Variants in ATAD2B observed in about 807,000 individuals in gnomAD.
ATAD2B encodes the protein ATPase family AAA domain-containing protein 2B.
ATAD2B carries 40 observed loss-of-function variants against 167.6 expected under a neutral mutation model. The observed-to-expected ratio is 0.24, with a 90% confidence interval of 0.19 to 0.31. The LOEUF is 0.31. Among genes scored for constraint, ATAD2B ranks in the 10% least tolerant of loss-of-function variants. ATAD2B has a pLI of 1.00. For synonymous variants in ATAD2B, 579 were observed against 596.5 expected (o/e 0.97, Z 0.43); for missense variants, 1,242 against 1,757.2 (o/e 0.71, Z 5.24).
intron 18 of ATAD2B, 66 bp downstream of exon 18, chr2:23,810,250 C>T (rs187251933): frequency 7.1e-7 from 1 of 1,411,440 alleles, no homozygotes; most frequent in East Asian, 2.3e-5. Context: ...ACACTACACA[C>T]TAGAAATACT....
chr2:23,878,026 A>AAAAAAAAAAAAAAAAAAAGC (rs1553440562), intron 7 of ATAD2B, among the ~76,000 whole-genome samples: 7 of 129,326 alleles, frequency 5.4e-5, no homozygotes, highest in Non-Finnish European at 1.2e-4. Flanking sequence ...AAAAAAAAAA[A>AAAAAAAAAAAAAAAAAAAGC]AAAAAAAAAA....
intron 1 of ATAD2B, 135 bp downstream of exon 1, chr2:23,926,420 C>A: frequency 7.1e-7 from 1 of 1,413,686 alleles, no homozygotes; most frequent in Non-Finnish European, 9.2e-7. Context: ...CACCCTCCAC[C>A]GCGCCCGCAG....
At chr2:23,802,331 A>G (rs1441818106) in intron 18 of ATAD2B, among the ~76,000 whole-genome samples, 1 of 151,856 alleles carries the variant, frequency 6.6e-6, no homozygotes, top group African/African-American at 2.4e-5. Context: ...TTATCCCTTT[A>G]CTCTATTTAT....
chr2:23,770,478 C>T (rs1678165263), intron 22 of ATAD2B, among the ~76,000 whole-genome samples: 1 of 152,140 alleles, frequency 6.6e-6, no homozygotes, highest in Admixed American at 6.5e-5. Context: ...ACTTAATATT[C>T]TGGCTATAGG....
At chr2:23,693,464 C>T in the ATAD2B span, 1 of 1,551,594 alleles carries the variant, frequency 6.4e-7, no homozygotes, top group African/African-American at 1.4e-5. Context: ...AACACCAAGG[C>T]TGAGGAGCTG....
At chr2:23,785,880 C>T (rs948967607) in intron 21 of ATAD2B, 147 bp downstream of exon 21, 5 of 643,238 alleles carry the variant, frequency 7.8e-6, no homozygotes, top group African/African-American at 3.7e-5. Flanking sequence ...CTGATGACAT[C>T]GGTAGTTATC....
the ATAD2B span, among the ~76,000 whole-genome samples, chr2:23,701,539 C>G: frequency 3.3e-5 from 5 of 152,130 alleles, no homozygotes; most frequent in Admixed American, 2.0e-4. Flanking sequence ...ATAGGGAGAC[C>G]TCATCTCTAC....
the ATAD2B span, among the ~76,000 whole-genome samples, chr2:23,698,667 A>AAAT: frequency 6.6e-6 from 1 of 152,198 alleles, no homozygotes; most frequent in Non-Finnish European, 1.5e-5. Flanking sequence ...ATCATTATAT[A>AAAT]AATAACCGGG....
intron 22 of ATAD2B, among the ~76,000 whole-genome samples, chr2:23,782,260 A>T (rs573235146): frequency 6.6e-6 from 1 of 152,268 alleles, no homozygotes; most frequent in Non-Finnish European, 1.5e-5. Context: ...AAAATCACTT[A>T]ACGCAAGTCC....
chr2:23,691,744 G>A, the ATAD2B span: 14 of 1,551,796 alleles, frequency 9.0e-6, no homozygotes, highest in South Asian at 8.3e-5. Context: ...GCAGGCAGAC[G>A]TCCTGGAGTT....
chr2:23,758,181 C>A, intron 24 of ATAD2B, 80 bp from the exon 25 acceptor site: 1 of 1,177,982 alleles, frequency 8.5e-7, no homozygotes, highest in Non-Finnish European at 1.2e-6. Context: ...AAACAGGACC[C>A]AAAAGAAAGT....
chr2:23,786,197 G>T lies in ATAD2B; in HGVS notation c.2803C>A (p.Leu935Ile). Residue 935 changes from leucine (L) to isoleucine (I), a missense_variant, in exon 21 of 28, where the codon CTT (leucine) becomes ATT (isoleucine). Transcript: ENST00000238789. The stretch of plus-strand genomic sequence containing the variant: ...TGACGAGGTGGAGAAGGTAGTGCAA[G>T]AGGAAGCACTTCCATAGCACAAAGA... ...AALCAMEVLP[L>I]ALPSPPRQLS... is the part of the protein sequence containing the mutation. 1 of 1,586,058 alleles carries T rather than the reference G, an allele frequency of 6.3e-7. No homozygotes were observed. The highest frequency in any genetic ancestry group is 2.3e-5 in the East Asian group (1 of 43,812).
Position 23,826,598 on chromosome 2 carries a change from A to G in ATAD2B, c.1819+2251T>C, listed in dbSNP as rs574295377. Among the ~76,000 whole-genome samples the G allele has an allele frequency of 1.3e-4, 20 of 152,306 alleles. No individual in the cohort carries two copies. In the South Asian group the frequency reaches 4.1e-3, roughly 32 times the overall value. Reference sequence around the variant, plus strand: ...TAAAAAGACTGAAAATACAGCTACTAAAGAGGTTAGACTAGAAACAAGGTC... The same window carrying G: ...TAAAAAGACTGAAAATACAGCTACTGAAGAGGTTAGACTAGAAACAAGGTC... On this transcript the variant is annotated intron_variant, in intron 15 of 27. Coordinates refer to ENST00000238789, the MANE Select transcript of ATAD2B (RefSeq NM_017552.4).
At chr2:23,711,417 T>C in the ATAD2B span, among the ~76,000 whole-genome samples, 1 of 121,286 alleles carries the variant, frequency 8.2e-6, no homozygotes, top group South Asian at 2.8e-4. Flanking sequence ...CCAGGCTGGA[T>C]GGAGTGCAAT....
chr2:23,921,385 A>G (rs1036329185), intron 1 of ATAD2B, among the ~76,000 whole-genome samples: 2 of 152,154 alleles, frequency 1.3e-5, no homozygotes, highest in African/African-American at 4.8e-5. Flanking sequence ...GGATCACTCA[A>G]CATTCAGGTG....
At chr2:23,875,393 G>A (rs368343757) in intron 8 of ATAD2B, among the ~76,000 whole-genome samples, 12 of 152,060 alleles carry the variant, frequency 7.9e-5, no homozygotes, top group East Asian at 3.9e-4. Flanking sequence ...CCAGCTACTC[G>A]GGAGGCTGAG....
intron 18 of ATAD2B, among the ~76,000 whole-genome samples, chr2:23,807,136 G>A (rs1684519669): frequency 6.6e-6 from 1 of 152,184 alleles, no homozygotes; most frequent in Admixed American, 6.5e-5. Context: ...TCCCAATGCA[G>A]AGATCTGGAG....
chr2:23,694,967 G>A, the ATAD2B span, among the ~76,000 whole-genome samples: 3 of 152,168 alleles, frequency 2.0e-5, no homozygotes, highest in Non-Finnish European at 4.4e-5. Flanking sequence ...AGTGATGAGC[G>A]TCATGCCTGG....
At position 23,826,206 on chromosome 2, in the gene ATAD2B, A is replaced by C. The variant is rs141697583; in HGVS notation, c.1820-2637T>G. 3.3e-5 allele frequency among the ~76,000 whole-genome samples: 5 copies of C among 152,276 alleles called. No individual in the cohort carries two copies. In the East Asian group the frequency reaches 9.7e-4, roughly 29 times the overall value. On this transcript the variant is annotated intron_variant, in intron 15 of 27. Transcript: ENST00000238789. ...AAAGCTTTAGAAGTGACTCTGATAC[A>C]CACAAAATTGAGAACTACTGATTTA...
Sources: allele counts gnomAD v4.1 joint callset (sites outside exome capture counted in the v4.1 genomes callset), GRCh38; gene constraint gnomAD v4.1.1; transcripts MANE v1.5; gene names NCBI Gene and HGNC (gene_info 2026-07-23, HGNC 2026-07-21).